The following ERBB4 variants were observed in gnomAD, a reference collection of about 807,000 sequenced individuals.
The protein encoded by ERBB4 is receptor tyrosine-protein kinase erbB-4.
ERBB4 carries 42 observed loss-of-function variants against 158.0 expected under a neutral mutation model. That is an observed-to-expected ratio of 0.27 (90% confidence interval 0.21 to 0.34). The LOEUF is 0.34. ERBB4 is among the 10% of genes least tolerant of loss of function. The pLI is 1.00. For synonymous variants in ERBB4, 583 were observed against 558.7 expected (o/e 1.04, Z -0.61); for missense variants, 1,333 against 1,624.1 (o/e 0.82, Z 3.08).
chr2:211,809,143 G>A (rs2076689567), intron 3 of ERBB4, among the ~76,000 whole-genome samples: 1 of 152,150 alleles, frequency 6.6e-6, no homozygotes, highest in Admixed American at 6.5e-5. Context: ...TGATTGCCCT[G>A]GCCAGAACTT....
chr2:212,343,174 C>A (rs2088806753), intron 1 of ERBB4, among the ~76,000 whole-genome samples: 1 of 152,110 alleles, frequency 6.6e-6, no homozygotes, highest in Non-Finnish European at 1.5e-5. Context: ...ATTTCCTTGA[C>A]CCGCTGCTTA....
At chr2:211,806,633 C>T (rs749009129) in intron 3 of ERBB4, among the ~76,000 whole-genome samples, 7 of 151,810 alleles carry the variant, frequency 4.6e-5, no homozygotes, top group Non-Finnish European at 8.8e-5. Context: ...AACTGAGAGG[C>T]CAAAGAAGGT....
intron 1 of ERBB4, among the ~76,000 whole-genome samples, chr2:212,528,260 C>T (rs1202037636): frequency 1.3e-5 from 2 of 152,026 alleles, no homozygotes; most frequent in Non-Finnish European, 2.9e-5. Flanking sequence ...GAAACCATGC[C>T]TTTGAGAAGC....
intron 1 of ERBB4, among the ~76,000 whole-genome samples, chr2:212,263,527 C>T (rs1350586358): frequency 6.6e-6 from 1 of 152,120 alleles, no homozygotes; most frequent in South Asian, 2.1e-4. Context: ...CCCTGTAGAG[C>T]AAATACTGTG....
At chr2:212,501,170 A>G (rs1690869541) in intron 1 of ERBB4, among the ~76,000 whole-genome samples, 3 of 152,156 alleles carry the variant, frequency 2.0e-5, no homozygotes, top group Admixed American at 2.0e-4. Flanking sequence ...CCACACATCT[A>G]ATGACACAAA....
At chr2:211,607,348 T>C (rs1382353845) in intron 19 of ERBB4, among the ~76,000 whole-genome samples, 1 of 152,178 alleles carries the variant, frequency 6.6e-6, no homozygotes, top group African/African-American at 2.4e-5. Flanking sequence ...GTCAAACTCC[T>C]CAGTTCAATG....
chr2:211,699,376 G>A (rs2073147863), intron 12 of ERBB4, among the ~76,000 whole-genome samples: 1 of 152,138 alleles, frequency 6.6e-6, no homozygotes, highest in Non-Finnish European at 1.5e-5. Context: ...AACATTTACA[G>A]TGCATTTAAA....
At chr2:211,923,213 G>A (rs564533654) in intron 3 of ERBB4, among the ~76,000 whole-genome samples, 2 of 152,196 alleles carry the variant, frequency 1.3e-5, no homozygotes, top group African/African-American at 2.4e-5. Flanking sequence ...CATCTGGGAA[G>A]GAGAGAAGGG....
At chr2:211,517,594 T>C (rs13413659) in intron 20 of ERBB4, among the ~76,000 whole-genome samples, 1 of 152,114 alleles carries the variant, frequency 6.6e-6, no homozygotes. Context: ...TCATAAAAGA[T>C]TAGGCACACC....
At chr2:212,199,380 C>A (rs2082525769) in intron 1 of ERBB4, among the ~76,000 whole-genome samples, 1 of 152,056 alleles carries the variant, frequency 6.6e-6, no homozygotes, top group African/African-American at 2.4e-5. Flanking sequence ...AGTGAGTGAA[C>A]CTCATTAGTG....
In ERBB4 at chr2:212,177,959, AGTGTGT is replaced by A. The variant is rs5838302; in HGVS notation, c.83-53062_83-53057del. 1.2e-4 allele frequency among the ~76,000 whole-genome samples: 18 copies of A among 149,394 alleles called. 1 individual carries two copies. The highest frequency in any genetic ancestry group is 8.1e-4 in the Admixed American group (12 of 14,904). On this transcript the variant is annotated intron_variant, in intron 1 of 27. Coordinates refer to ENST00000342788, the MANE Select transcript of ERBB4 (RefSeq NM_005235.3). The stretch of plus-strand genomic sequence containing the variant: ...GTGTTTGTGAGTGTTTGTGAGTGTG[AGTGTGT>A]GTGTGTGTGTGTGTGTTGGGAAGAG...
At chr2:212,433,834 T>C (rs574863998) in intron 1 of ERBB4, among the ~76,000 whole-genome samples, 2 of 152,162 alleles carry the variant, frequency 1.3e-5, no homozygotes, top group East Asian at 3.9e-4. Context: ...GATGAATATA[T>C]TCTACGCATG....
intron 1 of ERBB4, among the ~76,000 whole-genome samples, chr2:212,534,048 T>C (rs945364829): frequency 2.0e-5 from 3 of 152,242 alleles, no homozygotes; most frequent in African/African-American, 7.2e-5. Flanking sequence ...ATTTCATTTA[T>C]GTTTTAGGCA....
intron 1 of ERBB4, among the ~76,000 whole-genome samples, chr2:212,482,875 G>A (rs1231235616): frequency 6.6e-6 from 1 of 152,192 alleles, no homozygotes; most frequent in Non-Finnish European, 1.5e-5. Context: ...GCCCGCCTCA[G>A]CCTCCCAAAG....
At chr2:211,772,300 G>A (rs985047745) in intron 4 of ERBB4, among the ~76,000 whole-genome samples, 6 of 152,022 alleles carry the variant, frequency 3.9e-5, no homozygotes, top group Non-Finnish European at 8.8e-5. Context: ...ACTGACATAT[G>A]GTATAATTTA....
At chr2:211,643,045 C>G (rs2070655946) in intron 16 of ERBB4, among the ~76,000 whole-genome samples, 1 of 152,018 alleles carries the variant, frequency 6.6e-6, no homozygotes, top group African/African-American at 2.4e-5. Context: ...TTTAGTTTAT[C>G]CCTCACCCTC....
chr2:211,476,725 C>T (rs2064963292), intron 20 of ERBB4, among the ~76,000 whole-genome samples: 3 of 151,984 alleles, frequency 2.0e-5, no homozygotes, highest in Admixed American at 6.6e-5. Flanking sequence ...ACACTATAAA[C>T]TTGTTTTGCA....
At chr2:212,420,715 T>A (rs1276915008) in intron 1 of ERBB4, among the ~76,000 whole-genome samples, 10 of 152,264 alleles carry the variant, frequency 6.6e-5, no homozygotes, top group Non-Finnish European at 2.9e-5. Context: ...TAAACCATCC[T>A]CAGGCGTTAT....
At chr2:212,115,648 T>C (rs994109106) in intron 2 of ERBB4, among the ~76,000 whole-genome samples, 6 of 152,186 alleles carry the variant, frequency 3.9e-5, no homozygotes, top group Non-Finnish European at 7.3e-5. Context: ...GATTTGTTAC[T>C]TGACTTCTCT....
Sources: allele counts gnomAD v4.1 joint callset (sites outside exome capture counted in the v4.1 genomes callset), GRCh38; gene constraint gnomAD v4.1.1; transcripts MANE v1.5; gene names NCBI Gene and HGNC (gene_info 2026-07-23, HGNC 2026-07-21).